The following SLC49A4 variants were observed in gnomAD, a reference collection of about 807,000 sequenced individuals.
SLC49A4 encodes solute carrier family 49 member 4, also known as disrupted in renal cancer protein 2.
Under a neutral mutation model 50.6 loss-of-function variants are expected in SLC49A4, and 36 were observed. That is an observed-to-expected ratio of 0.71 (90% confidence interval 0.55 to 0.94). The LOEUF is 0.94. Among genes scored for constraint, SLC49A4 ranks in the 40% least tolerant of loss-of-function variants. SLC49A4 has a pLI of 0.00. For missense variants in SLC49A4, 503 were observed against 605.7 expected (o/e 0.83, Z 1.78); for synonymous variants, 248 against 241.2 (o/e 1.03, Z -0.26).
intron 7 of SLC49A4, among the ~76,000 whole-genome samples, chr3:122,868,797 T>C (rs1243659528): frequency 6.6e-6 from 1 of 152,236 alleles, no homozygotes; most frequent in African/African-American, 2.4e-5. Flanking sequence ...GTCATCACTT[T>C]TATGGTAATA....
At chr3:122,846,466 A>T (rs1936854527) in intron 5 of SLC49A4, among the ~76,000 whole-genome samples, 1 of 152,172 alleles carries the variant, frequency 6.6e-6, no homozygotes. Context: ...TTGGATTGTT[A>T]ACCAGTTTTG....
At chr3:122,833,558 G>GC in intron 4 of SLC49A4, 112 bp downstream of exon 4, 2 of 943,670 alleles carry the variant, frequency 2.1e-6, no homozygotes, top group Non-Finnish European at 3.0e-6. Flanking sequence ...TAATTAGGTT[G>GC]TAAGTAATTG....
At chr3:122,849,878 C>T (rs1235004407) in intron 5 of SLC49A4, among the ~76,000 whole-genome samples, 3 of 151,910 alleles carry the variant, frequency 2.0e-5, no homozygotes, top group Non-Finnish European at 4.4e-5. Context: ...GTTTTTGAGG[C>T]TGTACTCAAA....
At chr3:122,807,743 C>G (rs1333910892) in intron 2 of SLC49A4, among the ~76,000 whole-genome samples, 1 of 151,808 alleles carries the variant, frequency 6.6e-6, no homozygotes, top group Non-Finnish European at 1.5e-5. Flanking sequence ...TACTCAAGTT[C>G]GAGAGATACT....
chr3:122,861,590 T>C (rs1326027377), intron 7 of SLC49A4, among the ~76,000 whole-genome samples: 1 of 152,206 alleles, frequency 6.6e-6, no homozygotes, highest in Non-Finnish European at 1.5e-5. Flanking sequence ...ATGGGAATCT[T>C]TGAGAAGGCA....
chr3:122,796,216 G>C (rs1216385242), intron 1 of SLC49A4, among the ~76,000 whole-genome samples: 1 of 152,136 alleles, frequency 6.6e-6, no homozygotes, highest in African/African-American at 2.4e-5. Flanking sequence ...AAAGCCATAG[G>C]GCTGAGAATC....
intron 1 of SLC49A4, among the ~76,000 whole-genome samples, chr3:122,798,111 C>G (rs1352677826): frequency 6.6e-6 from 1 of 152,152 alleles, no homozygotes; most frequent in Non-Finnish European, 1.5e-5. Context: ...AGGATTCGGT[C>G]TAGGGTCCTC....
chr3:122,823,950 A>G (rs1057058101), intron 2 of SLC49A4, among the ~76,000 whole-genome samples: 2 of 152,194 alleles, frequency 1.3e-5, no homozygotes, highest in South Asian at 4.1e-4. Context: ...CAGTTGTAAC[A>G]CATTAGAAGC....
At chr3:122,807,111 AGTT>A (rs1338194735) in intron 2 of SLC49A4, among the ~76,000 whole-genome samples, 161 bp downstream of exon 2, 1 of 152,134 alleles carries the variant, frequency 6.6e-6, no homozygotes, top group African/African-American at 2.4e-5. Flanking sequence ...GGAAGACACT[AGTT>A]GTTGTGGAAA....
chr3:122,847,633 C>G (rs1936872426), intron 5 of SLC49A4, among the ~76,000 whole-genome samples: 1 of 151,920 alleles, frequency 6.6e-6, no homozygotes, highest in South Asian at 2.1e-4. Flanking sequence ...GCGTGAGCCA[C>G]CATGCCTGGC....
chr3:122,824,591 C>T (rs1183894519), intron 2 of SLC49A4, among the ~76,000 whole-genome samples: 2 of 151,726 alleles, frequency 1.3e-5, no homozygotes, highest in Non-Finnish European at 2.9e-5. Context: ...TTCTTTCTTT[C>T]CTGTCTTTCC....
intron 4 of SLC49A4, among the ~76,000 whole-genome samples, chr3:122,836,206 G>C (rs563823728): frequency 5.1e-4 from 77 of 152,108 alleles, no homozygotes; most frequent in Middle Eastern, 6.8e-3. Flanking sequence ...TAGCATGAAG[G>C]GTTGTTGAAT....
intron 1 of SLC49A4, among the ~76,000 whole-genome samples, chr3:122,801,845 A>C (rs1936138248): frequency 1.3e-5 from 2 of 152,230 alleles, no homozygotes; most frequent in South Asian, 4.1e-4. Flanking sequence ...AGTGAAGGCG[A>C]ATGACCTGGA....
intron 2 of SLC49A4, among the ~76,000 whole-genome samples, chr3:122,825,429 A>G (rs943820929): frequency 6.6e-6 from 1 of 152,014 alleles, no homozygotes; most frequent in East Asian, 1.9e-4. Context: ...TTTTTAATTT[A>G]GTAATATCAA....
At chr3:122,870,513 G>T (rs959276194) in intron 7 of SLC49A4, among the ~76,000 whole-genome samples, 3 of 150,656 alleles carry the variant, frequency 2.0e-5, no homozygotes, top group Non-Finnish European at 4.4e-5. Flanking sequence ...CAGCTTGATC[G>T]ATAGATTATT....
chr3:122,880,847 C>T lies in SLC49A4; in HGVS notation c.*1469C>T, dbSNP rs573096761. 1 of 152,496 alleles carries T rather than the reference C, an allele frequency of 6.6e-6. No individual in the cohort carries two copies. Among genetic ancestry groups the T allele is most frequent in the Non-Finnish European group, 1.5e-5 (1 of 68,284 alleles). 9.4% of individuals were successfully genotyped at this position (152,496 alleles called of 1,614,324 possible). A position where few individuals can be genotyped will look rare whatever the true frequency, so the allele number is the denominator to read the frequency against. On this transcript the variant is annotated 3_prime_UTR_variant, in exon 9 of 9. Transcript: ENST00000261038. The stretch of plus-strand genomic sequence containing the variant: ...GATTCCCAAGTCTGTCTCCCCTCCC[C>T]CTTAGCAAGTACAAGGCTGTGCATT...
chr3:122,802,530 G>A (rs1268594288), intron 1 of SLC49A4, among the ~76,000 whole-genome samples: 2 of 152,162 alleles, frequency 1.3e-5, no homozygotes, highest in African/African-American at 4.8e-5. Context: ...TGCCAAAAAA[G>A]AGCAGGCAGA....
At chr3:122,828,068 C>T (rs578027807) in intron 3 of SLC49A4, among the ~76,000 whole-genome samples, 3 of 152,216 alleles carry the variant, frequency 2.0e-5, no homozygotes, top group African/African-American at 7.2e-5. Flanking sequence ...TAACAAGTGG[C>T]AGAAAATGAG....
rs80302833 is a variant in SLC49A4, at chr3:122,851,892, A to G, written c.943-4415A>G. ...ATGCTTCAGACTAGATATTTTAGCT[A>G]TCTTTTCTTCCAACTCACTATTTCA... On this transcript the variant is annotated intron_variant, in intron 5 of 8. Coordinates refer to ENST00000261038, the MANE Select transcript of SLC49A4 (RefSeq NM_032839.3). Among the ~76,000 whole-genome samples the G allele has an allele frequency of 5.6e-3, 840 of 150,926 alleles. 4 individuals are homozygous for G. Among genetic ancestry groups the G allele is most frequent in the African/African-American group, 0.019 (792 of 41,054 alleles).
Sources: gnomAD v4.1 joint callset for allele counts (sites outside exome capture counted in the v4.1 genomes callset) on GRCh38, gnomAD v4.1.1 for gene constraint, MANE v1.5 for transcripts, NCBI Gene and HGNC (gene_info 2026-07-23, HGNC 2026-07-21) for gene names.